Variants in CRPPA observed in about 807,000 individuals in gnomAD.
CRPPA encodes D-ribitol-5-phosphate cytidylyltransferase.
CRPPA carries 43 observed loss-of-function variants against 52.0 expected under a neutral mutation model. That is an observed-to-expected ratio of 0.83 (90% confidence interval 0.65 to 1.07). The LOEUF (loss-of-function observed/expected upper bound fraction) is 1.07, where lower values mean the gene tolerates loss of function less well. Among genes scored for constraint, CRPPA ranks in the 50% least tolerant of loss-of-function variants. The pLI, the probability that CRPPA is intolerant of heterozygous loss-of-function variation, is 0.00. For synonymous variants in CRPPA, 250 were observed against 203.5 expected (o/e 1.23, Z -1.94); for missense variants, 629 against 551.7 (o/e 1.14, Z -1.40).
In CRPPA at chr7:16,303,477, TAAAAA is replaced by T. The variant is rs545663821; in HGVS notation, c.790-2016_790-2012del. ...GTTTCTGTGTTGAGACATAAAATAG[TAAAAA>T]AAAAAAAAAAAAAAAAAAAAACTTT... On this transcript the variant is annotated intron_variant, in intron 4 of 9. Transcript: ENST00000407010. Among the ~76,000 whole-genome samples, 18 of 44,976 alleles carry T rather than the reference TAAAAA, an allele frequency of 4.0e-4. 1 individual carries two copies. The East Asian group carries it at 0.012, about 29-fold the overall frequency. The allele number at this position is 44,976 out of a possible 152,430, so 29.5% of individuals were successfully genotyped here. A position where few individuals can be genotyped will look rare whatever the true frequency, so the allele number is the denominator to read the frequency against.
At chr7:16,097,587 C>T (rs1044895123) in intron 9 of CRPPA, among the ~76,000 whole-genome samples, 6 of 152,176 alleles carry the variant, frequency 3.9e-5, no homozygotes, top group Non-Finnish European at 7.4e-5. Context: ...GTAATGAAGT[C>T]GTGTCAATAA....
chr7:16,393,899 G>T (rs1358563526), intron 2 of CRPPA, among the ~76,000 whole-genome samples: 1 of 152,006 alleles, frequency 6.6e-6, no homozygotes, highest in African/African-American at 2.4e-5. Context: ...TCTTACACAG[G>T]CGTTTCAATA....
intron 8 of CRPPA, 158 bp from the exon 9 acceptor site, chr7:16,216,355 G>T: frequency 2.0e-6 from 1 of 506,344 alleles, no homozygotes; most frequent in South Asian, 3.0e-5. Flanking sequence ...CCATACTTAA[G>T]ATCGATGAAT....
intron 9 of CRPPA, among the ~76,000 whole-genome samples, chr7:16,093,131 T>C (rs1037525491): frequency 2.0e-5 from 3 of 152,196 alleles, no homozygotes; most frequent in Admixed American, 6.5e-5. Flanking sequence ...TAGTTGACCA[T>C]CTATTTTACC....
intron 6 of CRPPA, chr7:16,262,111 G>T (rs751005463): frequency 6.6e-6 from 1 of 152,012 alleles, no homozygotes; most frequent in African/African-American, 2.4e-5. Context: ...GTTTTATTAC[G>T]AATTGTTATT....
intron 1 of CRPPA, among the ~76,000 whole-genome samples, chr7:16,409,052 C>T (rs1788020733): frequency 6.6e-6 from 1 of 152,192 alleles, no homozygotes; most frequent in Non-Finnish European, 1.5e-5. Flanking sequence ...CAGGCACCTG[C>T]CACCACACAT....
intron 8 of CRPPA, among the ~76,000 whole-genome samples, chr7:16,235,595 T>G (rs1782927562): frequency 6.6e-6 from 1 of 152,096 alleles, no homozygotes; most frequent in African/African-American, 2.4e-5. Flanking sequence ...TGACAAAGAC[T>G]GTGTAGACAG....
At position 16,190,177 on chromosome 7, in the gene CRPPA, A is replaced by G. The variant is rs111359003; in HGVS notation, c.1251+25889T>C. Among the ~76,000 whole-genome samples, 784 of 152,296 alleles carry G rather than the reference A, an allele frequency of 5.1e-3. 3 individuals carry two copies. The highest frequency in any genetic ancestry group is 9.1e-3 in the South Asian group (44 of 4,830). On this transcript the variant is annotated intron_variant, in intron 9 of 9. Transcript: ENST00000407010. ...GCCAGCTTGCAGACACATAAACCAGATATCTACTAGCATGTGCCTATACCT... is the reference window on the plus strand; with the variant it reads ...GCCAGCTTGCAGACACATAAACCAGGTATCTACTAGCATGTGCCTATACCT...
intron 9 of CRPPA, among the ~76,000 whole-genome samples, chr7:16,180,293 G>A (rs1005118415): frequency 6.6e-6 from 1 of 151,866 alleles, no homozygotes; most frequent in African/African-American, 2.4e-5. Flanking sequence ...ATACAGATAG[G>A]GCCGGGAACC....
At chr7:16,108,621 T>C (rs1782201020) in intron 9 of CRPPA, among the ~76,000 whole-genome samples, 1 of 151,896 alleles carries the variant, frequency 6.6e-6, no homozygotes, top group South Asian at 2.1e-4. Context: ...CACAGACTTA[T>C]ACAGAACATT....
At chr7:16,146,896 T>C (rs2128377659) in intron 9 of CRPPA, among the ~76,000 whole-genome samples, 1 of 152,312 alleles carries the variant, frequency 6.6e-6, no homozygotes, top group East Asian at 1.9e-4. Context: ...CAAATTGCAG[T>C]AGTAAGTTCC....
chr7:16,199,860 T>C (rs909675170), intron 9 of CRPPA, among the ~76,000 whole-genome samples: 22 of 149,648 alleles, frequency 1.5e-4, no homozygotes, highest in Middle Eastern at 3.4e-3. Flanking sequence ...TTTTCTTTTT[T>C]TTTTTTTTTT....
intron 8 of CRPPA, among the ~76,000 whole-genome samples, chr7:16,227,248 T>C (rs1219070963): frequency 2.0e-5 from 3 of 151,936 alleles, no homozygotes; most frequent in Non-Finnish European, 2.9e-5. Flanking sequence ...TTTGTATATG[T>C]AGCTAGTAGT....
At chr7:16,177,607 A>G (rs1781329128) in intron 9 of CRPPA, among the ~76,000 whole-genome samples, 1 of 152,152 alleles carries the variant, frequency 6.6e-6, no homozygotes, top group South Asian at 2.1e-4. Flanking sequence ...TTGAAGGAAA[A>G]TGATTAAAAT....
intron 9 of CRPPA, among the ~76,000 whole-genome samples, chr7:16,141,150 C>G (rs1414499483): frequency 6.6e-6 from 1 of 152,070 alleles, no homozygotes; most frequent in Non-Finnish European, 1.5e-5. Context: ...AATTCAAGTG[C>G]CATTGGGACA....
intron 2 of CRPPA, among the ~76,000 whole-genome samples, chr7:16,400,217 C>T (rs892844649): frequency 3.5e-5 from 3 of 86,622 alleles, no homozygotes; most frequent in Non-Finnish European, 5.1e-5. Context: ...GGCATGTGTC[C>T]AACACGTGGC....
At position 16,421,148 on chromosome 7, in the gene CRPPA, T is replaced by C; in HGVS notation, c.175A>G (p.Arg59Gly). Residue 59 changes from arginine (R) to glycine (G), a missense_variant, in exon 1 of 10, where the codon AGG becomes GGG. Physicochemically the swap from Arg to Gly is moderately radical, Grantham distance 125. Coordinates refer to ENST00000407010, the MANE Select transcript of CRPPA (RefSeq NM_001101426.4). ...AVLPAGGCGE[R>G]MGVPTPKQFC... is the part of the protein sequence containing the mutation. ...TGCTTCGGGGTGGGGACCCCCATCC[T>C]CTCCCCGCACCCCCCGGCAGGCAAC... 1 of 1,330,780 alleles carries C rather than the reference T, an allele frequency of 7.5e-7. No homozygotes were observed. The highest frequency in any genetic ancestry group is 9.7e-7 in the Non-Finnish European group (1 of 1,035,026). The allele number at this position is 1,330,780 out of a possible 1,614,324, so 82.4% of individuals were successfully genotyped here.
intron 2 of CRPPA, among the ~76,000 whole-genome samples, chr7:16,397,500 C>A (rs1362320502): frequency 6.6e-6 from 1 of 151,856 alleles, no homozygotes; most frequent in African/African-American, 2.4e-5. Context: ...ACATGACTGA[C>A]ACATAACATG....
chr7:16,353,204 A>G (rs1786202971), intron 3 of CRPPA, among the ~76,000 whole-genome samples: 1 of 151,922 alleles, frequency 6.6e-6, no homozygotes, highest in Non-Finnish European at 1.5e-5. Flanking sequence ...AAAAAATACA[A>G]TTAGCCAGGC....
Sources: gnomAD v4.1 joint callset for allele counts (sites outside exome capture counted in the v4.1 genomes callset) on GRCh38, gnomAD v4.1.1 for gene constraint, MANE v1.5 for transcripts, NCBI Gene and HGNC (gene_info 2026-07-23, HGNC 2026-07-21) for gene names.